CDH4: variants seen among roughly 807,000 people sequenced by gnomAD.
CDH4 encodes cadherin 4.
CDH4 carries 33 observed loss-of-function variants against 86.0 expected under a neutral mutation model. That is an observed-to-expected ratio of 0.38 (90% CI 0.29 to 0.51). The LOEUF (loss-of-function observed/expected upper bound fraction) is 0.51. CDH4 is among the 20% of genes least tolerant of loss of function. The probability of loss-of-function intolerance (pLI) is 0.86; values close to 1 mark genes in which losing one functional copy is unlikely to be tolerated. For synonymous variants in CDH4, 555 were observed against 549.4 expected (o/e 1.01, Z -0.14); for missense variants, 1,114 against 1,307.4 (o/e 0.85, Z 2.28).
At position 61,937,465 on chromosome 20, in the gene CDH4, G is replaced by A. The variant is rs1050902403; in HGVS notation, c.*522G>A. 1 of 152,100 alleles carries A rather than the reference G, an allele frequency of 6.6e-6. No homozygotes were observed. Among genetic ancestry groups the A allele is most frequent in the Non-Finnish European group, 1.5e-5 (1 of 68,046 alleles). The allele number at this position is 152,100 out of a possible 1,614,324, so 9.4% of individuals were successfully genotyped here. A position where few individuals can be genotyped will look rare whatever the true frequency, so the allele number is the denominator to read the frequency against. On this transcript the variant is annotated 3_prime_UTR_variant, in exon 16 of 16. Coordinates refer to ENST00000614565, the MANE Select transcript of CDH4 (RefSeq NM_001794.5). ...TCTTTTATTAAGAAAAAGAAAGTGG[G>A]TGACTTGTTTGAAAACAGAGTGGGG...
At chr20:61,685,533 G>A (rs1410609749) in intron 2 of CDH4, among the ~76,000 whole-genome samples, 3 of 152,214 alleles carry the variant, frequency 2.0e-5, no homozygotes, top group African/African-American at 4.8e-5. Flanking sequence ...TGCAAAGGCC[G>A]CTCCTCGGCC....
chr20:61,849,807 C>A (rs118036041), intron 5 of CDH4, among the ~76,000 whole-genome samples: 21 of 152,212 alleles, frequency 1.4e-4, no homozygotes, highest in Admixed American at 1.4e-3. Flanking sequence ...CTTTCGAAGG[C>A]CCATGTGGTT....
chr20:61,828,449 C>T (rs573834266), intron 4 of CDH4, among the ~76,000 whole-genome samples: 60 of 152,332 alleles, frequency 3.9e-4, no homozygotes, highest in African/African-American at 1.3e-3. Context: ...GTAGGACCAA[C>T]GATCTGGTTT....
intron 2 of CDH4, among the ~76,000 whole-genome samples, chr20:61,737,553 C>T (rs2088280133): frequency 6.6e-6 from 1 of 152,220 alleles, no homozygotes; most frequent in Admixed American, 6.5e-5. Context: ...GGCCACTGAC[C>T]ACCCTGGCCT....
intron 2 of CDH4, among the ~76,000 whole-genome samples, chr20:61,673,296 G>A (rs2387147): frequency 0.6 from 90,510 of 152,044 alleles, 27,143 homozygotes; most frequent in African/African-American, 0.63. Context: ...GAATCTCAGC[G>A]GCAGCTGCAG....
rs941418348 is a variant in CDH4 at position 61,282,005 on chromosome 20, C to T, written c.169+27068C>T. On this transcript the variant is annotated intron_variant, in intron 2 of 15. Coordinates refer to ENST00000614565, the MANE Select transcript of CDH4 (RefSeq NM_001794.5). The stretch of plus-strand genomic sequence containing the variant: ...TTGGGCCAGTCAGCAGCCATGGTCA[C>T]GTTGGAAGAAGGAAGAATGCACCTC... Among the ~76,000 whole-genome samples the T allele has an allele frequency of 2.6e-5, 4 of 152,284 alleles. No individual in the cohort carries two copies. In the East Asian group the frequency reaches 5.8e-4, roughly 22 times the overall value.
chr20:61,697,587 G>C (rs527845437), intron 2 of CDH4, among the ~76,000 whole-genome samples: 2 of 152,284 alleles, frequency 1.3e-5, no homozygotes, highest in South Asian at 4.1e-4. Context: ...GACAGAGCAA[G>C]ACTCCATCTC....
chr20:61,729,105 C>A (rs6089498), intron 2 of CDH4, among the ~76,000 whole-genome samples: 60,924 of 152,064 alleles, frequency 0.4, 13,906 homozygotes, highest in South Asian at 0.59. Flanking sequence ...TGTTGCTCTG[C>A]GAGCGCTGAC....
chr20:61,752,348 AAAG>A (rs1325086366), intron 3 of CDH4, among the ~76,000 whole-genome samples: 4 of 151,040 alleles, frequency 2.6e-5, no homozygotes, highest in Non-Finnish European at 1.5e-5. Flanking sequence ...AAAAAAAAAA[AAAG>A]AACTTCTGAT....
At position 61,572,416 on chromosome 20, in the gene CDH4, G is replaced by A. The variant is rs554450551; in HGVS notation, c.170-171147G>A. Among the ~76,000 whole-genome samples the A allele has an allele frequency of 2.6e-5, 4 of 152,340 alleles. No individual in the cohort carries two copies. The South Asian group carries it at 8.3e-4, about 32-fold the overall frequency. On this transcript the variant is annotated intron_variant, in intron 2 of 15. Coordinates refer to ENST00000614565, the MANE Select transcript of CDH4 (RefSeq NM_001794.5). ...GGGAAGGGACAGAGGATGTTTGCCT[G>A]GATTCAAAGAAGGGCTGGCCTGGGG...
intron 2 of CDH4, among the ~76,000 whole-genome samples, chr20:61,554,879 A>G (rs1015107370): frequency 4.6e-5 from 6 of 129,558 alleles, no homozygotes; most frequent in Non-Finnish European, 9.5e-5. Flanking sequence ...TGTCTGAGTA[A>G]GCTCACGTTT....
At chr20:61,686,456 T>C (rs1209612601) in intron 2 of CDH4, among the ~76,000 whole-genome samples, 1 of 151,344 alleles carries the variant, frequency 6.6e-6, no homozygotes, top group Non-Finnish European at 1.5e-5. Context: ...TGCATTCGTG[T>C]GTGTGCATTT....
intron 2 of CDH4, among the ~76,000 whole-genome samples, chr20:61,337,713 A>G (rs1475067315): frequency 6.6e-6 from 1 of 152,038 alleles, no homozygotes; most frequent in Non-Finnish European, 1.5e-5. Context: ...GAAGCTTGAC[A>G]TTCCATTCCA....
intron 8 of CDH4, among the ~76,000 whole-genome samples, chr20:61,908,994 C>G (rs2054821441): frequency 6.6e-6 from 1 of 152,238 alleles, no homozygotes; most frequent in Non-Finnish European, 1.5e-5. Context: ...CCCAGACACC[C>G]TAACGGCCTT....
At chr20:61,545,960 T>TCACA (rs1491561644) in intron 2 of CDH4, among the ~76,000 whole-genome samples, 12 of 43,822 alleles carry the variant, frequency 2.7e-4, no homozygotes, top group Non-Finnish European at 3.1e-4. Context: ...CGGTGTGTGT[T>TCACA]CGTGTGTGTG....
At chr20:61,425,066 G>C (rs529511912) in intron 2 of CDH4, among the ~76,000 whole-genome samples, 5 of 152,332 alleles carry the variant, frequency 3.3e-5, no homozygotes, top group Middle Eastern at 3.4e-3. Context: ...GCCAGGCATA[G>C]GTGGACCAGG....
chr20:61,565,371 GGTGGTC>G lies in CDH4; in HGVS notation c.170-178191_170-178186del, dbSNP rs1294846690. ...CTCTTGGTGATGGGGTGATGGTGGT[GGTGGTC>G]CTCTTGGTGATGGGGTGATGGTGGT... On this transcript the variant is annotated intron_variant, in intron 2 of 15. Transcript: ENST00000614565. Among the ~76,000 whole-genome samples, 8 of 39,690 alleles carry G rather than the reference GGTGGTC, an allele frequency of 2.0e-4. No individual in the cohort carries two copies. The South Asian group carries it at 3.0e-3, about 15-fold the overall frequency. 26.0% of individuals were successfully genotyped at this position (39,690 alleles called of 152,430 possible).
chr20:61,579,344 C>T (rs150352353), intron 2 of CDH4, among the ~76,000 whole-genome samples: 4,798 of 144,914 alleles, frequency 0.033, 260 homozygotes, highest in African/African-American at 0.11. Context: ...TGGAGTGCAG[C>T]GGCGTGATCT....
At position 61,844,671 on chromosome 20, in the gene CDH4, C is replaced by T. The variant is rs1358913423; in HGVS notation, c.580C>T (p.Arg194Trp). Residue 194 changes from arginine to tryptophan, a missense_variant, in exon 5 of 16, where the codon CGG becomes TGG. Coordinates refer to ENST00000614565, the MANE Select transcript of CDH4 (RefSeq NM_001794.5). ...TCGCTTTGCTCCTGCCTTTCAGATCCGGTCCGACAAAGACAATGACATCCC... is the reference window on the plus strand; with the variant it reads ...TCGCTTTGCTCCTGCCTTTCAGATCTGGTCCGACAAAGACAATGACATCCC... ...GPFPQQLVRI[R>W]SDKDNDIPIR... 1.1e-5 allele frequency: 17 copies of T among 1,609,708 alleles called. No homozygotes were observed. The highest frequency in any genetic ancestry group is 1.4e-5 in the Non-Finnish European group (16 of 1,176,896).
Sources: allele counts gnomAD v4.1 joint callset (sites outside exome capture counted in the v4.1 genomes callset), GRCh38; gene constraint gnomAD v4.1.1; transcripts MANE v1.5; gene names NCBI Gene and HGNC (gene_info 2026-07-23, HGNC 2026-07-21).